Variants in SHROOM3 observed in about 807,000 individuals in gnomAD.
SHROOM3 encodes the protein shroom family member 3.
SHROOM3 carries 47 observed loss-of-function variants against 138.6 expected under a neutral mutation model. That is an observed-to-expected ratio of 0.34 (90% CI 0.27 to 0.43). The LOEUF is 0.43. SHROOM3 is among the 20% of genes least tolerant of loss of function. The probability of loss-of-function intolerance (pLI) is 1.00; values close to 1 mark genes in which losing one functional copy is unlikely to be tolerated. For missense variants in SHROOM3, 2,491 were observed against 2,596.5 expected (o/e 0.96, Z 0.88); for synonymous variants, 1,062 against 1,063.3 (o/e 1.00, Z 0.02).
intron 1 of SHROOM3, among the ~76,000 whole-genome samples, chr4:76,538,023 T>C (rs1270940997): frequency 6.6e-6 from 1 of 152,202 alleles, no homozygotes; most frequent in East Asian, 1.9e-4. Flanking sequence ...TTTTCCTGCC[T>C]CAGCCTCCTG....
intron 2 of SHROOM3, among the ~76,000 whole-genome samples, chr4:76,606,386 C>T (rs1734621600): frequency 6.6e-6 from 1 of 151,626 alleles, no homozygotes; most frequent in Non-Finnish European, 1.5e-5. Flanking sequence ...TGCATGTTAG[C>T]TACTCTGAAT....
chr4:76,522,828 GA>G (rs1488690933), intron 1 of SHROOM3, among the ~76,000 whole-genome samples: 48 of 151,990 alleles, frequency 3.2e-4, no homozygotes, highest in Admixed American at 3.1e-3. Flanking sequence ...TAGTAAAAAA[GA>G]GATTATATAT....
intron 1 of SHROOM3, among the ~76,000 whole-genome samples, chr4:76,501,257 A>G (rs1245591841): frequency 3.3e-5 from 5 of 152,228 alleles, no homozygotes; most frequent in African/African-American, 1.2e-4. Context: ...TCTTAAGCAT[A>G]TATCTTTTGA....
intron 1 of SHROOM3, among the ~76,000 whole-genome samples, chr4:76,479,104 AG>A (rs1386430318): frequency 6.6e-6 from 1 of 152,078 alleles, no homozygotes; most frequent in Non-Finnish European, 1.5e-5. Context: ...CTCGCCAACA[AG>A]GGAACAAAAC....
chr4:76,459,520 C>A (rs891485277), intron 1 of SHROOM3, among the ~76,000 whole-genome samples: 2 of 152,006 alleles, frequency 1.3e-5, no homozygotes, highest in Non-Finnish European at 2.9e-5. Context: ...TTCGATTTGC[C>A]GTCAGGCCTC....
At chr4:76,444,480 CTTTCTT>C (rs1279002257) in intron 1 of SHROOM3, among the ~76,000 whole-genome samples, 2 of 107,140 alleles carry the variant, frequency 1.9e-5, no homozygotes, top group South Asian at 3.2e-4. Context: ...ATCTCTCTTT[CTTTCTT>C]TTTTTTTTTT....
intron 2 of SHROOM3, among the ~76,000 whole-genome samples, chr4:76,665,310 T>A (rs575790263): frequency 4.6e-5 from 7 of 152,346 alleles, no homozygotes; most frequent in African/African-American, 1.4e-4. Context: ...GGGGTTTTTT[T>A]AATCTCCTAT....
intron 2 of SHROOM3, among the ~76,000 whole-genome samples, chr4:76,647,178 G>A (rs4859703): frequency 0.95 from 144,329 of 152,324 alleles, 68,469 homozygotes; most frequent in East Asian, 1. Context: ...AAATATCATC[G>A]TATGTTTTCA....
At chr4:76,720,901 C>G (rs370480552) in intron 3 of SHROOM3, among the ~76,000 whole-genome samples, 1 of 151,694 alleles carries the variant, frequency 6.6e-6, no homozygotes, top group African/African-American at 2.4e-5. Flanking sequence ...TGAGTCACCA[C>G]GCCCGGCCTC....
At chr4:76,722,349 T>C (rs916124794) in intron 3 of SHROOM3, among the ~76,000 whole-genome samples, 1 of 152,144 alleles carries the variant, frequency 6.6e-6, no homozygotes, top group African/African-American at 2.4e-5. Context: ...TGAGATAATG[T>C]CTTTTGCAGG....
intron 1 of SHROOM3, among the ~76,000 whole-genome samples, chr4:76,502,023 G>T (rs549005476): frequency 1.7e-4 from 26 of 152,258 alleles, no homozygotes; most frequent in African/African-American, 6.3e-4. Flanking sequence ...GGTCTCGAGG[G>T]CTCTACCCTC....
chr4:76,539,601 AC>A (rs2110019881), intron 1 of SHROOM3, among the ~76,000 whole-genome samples: 1 of 152,318 alleles, frequency 6.6e-6, no homozygotes, highest in South Asian at 2.1e-4. Context: ...ACATCCATTA[AC>A]TAACTTAATC....
At position 76,522,454 on chromosome 4, in the gene SHROOM3, G is replaced by C. The variant is rs556369410; in HGVS notation, c.169-33155G>C. Among the ~76,000 whole-genome samples, 12 of 151,986 alleles carry C rather than the reference G, an allele frequency of 7.9e-5. No individual in the cohort carries two copies. In the East Asian group the frequency reaches 1.4e-3, roughly 17 times the overall value. On this transcript the variant is annotated intron_variant, in intron 1 of 10. Coordinates refer to ENST00000296043, the MANE Select transcript of SHROOM3 (RefSeq NM_020859.4). ...GTTCTGTTGGCCGGAACAGTGCCTA[G>C]GGCACTGTTCTCAGCTCTGCTGGTC...
At chr4:76,622,902 T>C (rs186427685) in intron 2 of SHROOM3, among the ~76,000 whole-genome samples, 3 of 152,300 alleles carry the variant, frequency 2.0e-5, no homozygotes, top group East Asian at 3.9e-4. Flanking sequence ...CTTATCTCTT[T>C]AATGAAAATG....
intron 8 of SHROOM3, 170 bp downstream of exon 8, chr4:76,757,107 G>A (rs1721841519): frequency 3.2e-6 from 3 of 934,268 alleles, no homozygotes; most frequent in African/African-American, 1.6e-5. Flanking sequence ...GAGGATGTGG[G>A]ACAGATATGC....
chr4:76,608,672 A>G (rs1734692519), intron 2 of SHROOM3, among the ~76,000 whole-genome samples: 1 of 81,978 alleles, frequency 1.2e-5, no homozygotes, highest in African/African-American at 3.9e-5. Flanking sequence ...ATAGCACAGC[A>G]TAGCACAGCA....
At position 76,553,202 on chromosome 4, in the gene SHROOM3, G is replaced by T. The variant is rs189054833; in HGVS notation, c.169-2407G>T. 1.6e-3 allele frequency among the ~76,000 whole-genome samples: 238 copies of T among 152,256 alleles called. 1 individual carries two copies. The highest frequency in any genetic ancestry group is 1.6e-3 in the Non-Finnish European group (108 of 68,030). On this transcript the variant is annotated intron_variant, in intron 1 of 10. Transcript: ENST00000296043. ...GAGTCTCGCTCTGTCGCCTAGGCTG[G>T]ACTGGAGTGGAGAGCAGTGATGCAA...
At chr4:76,578,335 C>T (rs544213538) in intron 2 of SHROOM3, among the ~76,000 whole-genome samples, 12 of 152,196 alleles carry the variant, frequency 7.9e-5, no homozygotes, top group Admixed American at 7.9e-4. Flanking sequence ...TTTTGTGGTA[C>T]TTAAATGAGA....
At chr4:76,764,706 A>T (rs1400199855) in intron 9 of SHROOM3, among the ~76,000 whole-genome samples, 2 of 152,154 alleles carry the variant, frequency 1.3e-5, no homozygotes, top group African/African-American at 4.8e-5. Context: ...TTCTAATGAG[A>T]AATGCACAGT....
Sources: allele counts gnomAD v4.1 joint callset (sites outside exome capture counted in the v4.1 genomes callset), GRCh38; gene constraint gnomAD v4.1.1; transcripts MANE v1.5; gene names NCBI Gene and HGNC (gene_info 2026-07-23, HGNC 2026-07-21).